The following EPHA5 variants were observed in gnomAD, a reference collection of about 807,000 sequenced individuals.
EPHA5 encodes the protein ephrin type-A receptor 5.
In EPHA5, 60 loss-of-function variants were observed where a neutral mutation model predicts 105.0. That is an observed-to-expected ratio of 0.57 (90% CI 0.46 to 0.71). The LOEUF (loss-of-function observed/expected upper bound fraction) is 0.71, where lower values mean the gene tolerates loss of function less well. Ranked by LOEUF, EPHA5 falls within the 30% of genes least tolerant of loss-of-function variation. The pLI, the probability that EPHA5 is intolerant of heterozygous loss-of-function variation, is 0.00. For missense variants in EPHA5, 1,218 were observed against 1,274.7 expected (o/e 0.96, Z 0.68); for synonymous variants, 513 against 449.1 (o/e 1.14, Z -1.80).
intron 8 of EPHA5, among the ~76,000 whole-genome samples, chr4:65,378,927 T>A (rs548690693): frequency 6.6e-6 from 1 of 151,996 alleles, no homozygotes; most frequent in South Asian, 2.1e-4. Context: ...CCTGCAGATA[T>A]GGGTTCATTT....
At chr4:65,333,688 G>C (rs1395220147) in intron 15 of EPHA5, among the ~76,000 whole-genome samples, 1 of 138,616 alleles carries the variant, frequency 7.2e-6, no homozygotes, top group Admixed American at 7.5e-5. Context: ...TTTCTATTTA[G>C]GCTATAACTC....
At chr4:65,364,689 T>G (rs900737975) in intron 11 of EPHA5, among the ~76,000 whole-genome samples, 1 of 151,458 alleles carries the variant, frequency 6.6e-6, no homozygotes, top group Non-Finnish European at 1.5e-5. Context: ...ATCAAAACTT[T>G]GAAGTTAATA....
intron 16 of EPHA5, chr4:65,331,274 T>G: frequency 9.7e-7 from 1 of 1,029,928 alleles, no homozygotes; most frequent in Non-Finnish European, 1.2e-6. Context: ...AACAACCACA[T>G]GTACAGAGTA....
chr4:65,343,279 C>G (rs1030374194), intron 14 of EPHA5, among the ~76,000 whole-genome samples: 1 of 152,134 alleles, frequency 6.6e-6, no homozygotes, highest in African/African-American at 2.4e-5. Context: ...AGTTCATGGT[C>G]TGGTATTTAC....
intron 3 of EPHA5, among the ~76,000 whole-genome samples, chr4:65,548,129 C>T (rs955296269): frequency 2.8e-5 from 4 of 144,888 alleles, no homozygotes; most frequent in African/African-American, 1.0e-4. Context: ...ATCTCTATGA[C>T]TATGATATTG....
At position 65,333,302 on chromosome 4, in the gene EPHA5, A is replaced by G. The variant is rs184815217; in HGVS notation, c.2790-1174T>C. Reference sequence around the variant, plus strand: ...GGTTCTCTCTACTTTCTCACATTCCATTTACCCTTGAGTATAGTTTCTTCA... The same window carrying G: ...GGTTCTCTCTACTTTCTCACATTCCGTTTACCCTTGAGTATAGTTTCTTCA... On this transcript the variant is annotated intron_variant, in intron 15 of 16. Coordinates refer to ENST00000613740, the MANE Select transcript of EPHA5 (RefSeq NM_001281766.3). Among the ~76,000 whole-genome samples the G allele has an allele frequency of 1.8e-3, 276 of 151,732 alleles. 1 individual carries two copies. Among genetic ancestry groups the G allele is most frequent in the Non-Finnish European group, 2.7e-3 (181 of 67,866 alleles).
At chr4:65,433,063 C>T (rs1196385622) in intron 5 of EPHA5, among the ~76,000 whole-genome samples, 1 of 151,978 alleles carries the variant, frequency 6.6e-6, no homozygotes, top group African/African-American at 2.4e-5. Flanking sequence ...GCAAAACACT[C>T]GCTAATGCAA....
intron 8 of EPHA5, among the ~76,000 whole-genome samples, chr4:65,381,049 T>C (rs958653661): frequency 2.0e-5 from 3 of 151,616 alleles, no homozygotes; most frequent in African/African-American, 4.8e-5. Context: ...TTTGATCATA[T>C]ATGTCAAGCT....
chr4:65,448,872 T>C (rs1726815034), intron 5 of EPHA5, among the ~76,000 whole-genome samples: 1 of 152,066 alleles, frequency 6.6e-6, no homozygotes, highest in South Asian at 2.1e-4. Context: ...TCATAATATA[T>C]AAGAAAATAA....
At chr4:65,437,655 T>C (rs1466068562) in intron 5 of EPHA5, among the ~76,000 whole-genome samples, 1 of 151,946 alleles carries the variant, frequency 6.6e-6, no homozygotes, top group Non-Finnish European at 1.5e-5. Flanking sequence ...TTTCTGATTA[T>C]GCAACTGGAT....
intron 6 of EPHA5, among the ~76,000 whole-genome samples, chr4:65,417,136 A>T (rs1723461478): frequency 6.6e-6 from 1 of 152,206 alleles, no homozygotes; most frequent in African/African-American, 2.4e-5. Context: ...CTCTGCCTTT[A>T]ATTAAGAGAT....
chr4:65,436,771 T>G (rs1725519747), intron 5 of EPHA5, among the ~76,000 whole-genome samples: 1 of 151,974 alleles, frequency 6.6e-6, no homozygotes, highest in South Asian at 2.1e-4. Flanking sequence ...AGACCACTTA[T>G]CCATCACTAA....
At chr4:65,452,385 A>G (rs540288675) in intron 5 of EPHA5, among the ~76,000 whole-genome samples, 17 of 152,138 alleles carry the variant, frequency 1.1e-4, no homozygotes, top group Non-Finnish European at 2.4e-4. Flanking sequence ...CACAATTGAG[A>G]AGGTAATTCA....
rs2149571024 is a variant in EPHA5 at position 65,669,610 on chromosome 4, GA to G, written c.132del (p.Leu45SerfsTer17). On this transcript the variant is annotated frameshift_variant, in exon 1 of 17. Transcript: ENST00000613740. LOFTEE classifies it high-confidence loss of function. ...APRRAPLWTC[L>X]LLCAALRTLL... Reference sequence around the variant, plus strand: ...AGGGTCCGGAGTGCGGCGCACAGGAGAAGGCACGTCCAGAGGGGAGCCCGTC... The same window carrying G: ...AGGGTCCGGAGTGCGGCGCACAGGAGAGGCACGTCCAGAGGGGAGCCCGTC... 7.0e-7 allele frequency: 1 copy of G among 1,435,560 alleles called. No individual in the cohort carries two copies. Among genetic ancestry groups the G allele is most frequent in the Non-Finnish European group, 9.2e-7 (1 of 1,088,528 alleles). The allele number at this position is 1,435,560 out of a possible 1,614,324, so 88.9% of individuals were successfully genotyped here.
chr4:65,468,154 T>C (rs1560570947), intron 5 of EPHA5, among the ~76,000 whole-genome samples: 2 of 152,078 alleles, frequency 1.3e-5, no homozygotes, highest in African/African-American at 4.8e-5. Flanking sequence ...TAAATGTAGT[T>C]ACCTATCCAA....
chr4:65,528,965 C>CAGCT (rs1735503475), intron 3 of EPHA5, among the ~76,000 whole-genome samples: 1 of 152,104 alleles, frequency 6.6e-6, no homozygotes, highest in Non-Finnish European at 1.5e-5. Flanking sequence ...CAGTGATAAA[C>CAGCT]AGCTATGCAA....
At chr4:65,665,214 G>T (rs1447718646) in intron 1 of EPHA5, among the ~76,000 whole-genome samples, 1 of 151,630 alleles carries the variant, frequency 6.6e-6, no homozygotes, top group Non-Finnish European at 1.5e-5. Context: ...TACAGTCAAA[G>T]GTAGAAAGGT....
chr4:65,446,975 ATTTTTT>A (rs397993760), intron 5 of EPHA5, among the ~76,000 whole-genome samples: 2 of 112,916 alleles, frequency 1.8e-5, no homozygotes, highest in East Asian at 2.4e-4. Flanking sequence ...TTAAAAGCTC[ATTTTTT>A]TTTTTTTTTT....
At chr4:65,611,283 G>C (rs1484662592) in intron 2 of EPHA5, among the ~76,000 whole-genome samples, 2 of 151,998 alleles carry the variant, frequency 1.3e-5, no homozygotes, top group Admixed American at 1.3e-4. Flanking sequence ...TTCTCAGTAA[G>C]ATGTAAATTG....
Sources: gnomAD v4.1 joint callset for allele counts (sites outside exome capture counted in the v4.1 genomes callset) on GRCh38, gnomAD v4.1.1 for gene constraint, MANE v1.5 for transcripts, NCBI Gene and HGNC (gene_info 2026-07-23, HGNC 2026-07-21) for gene names.